KLHL29: variants seen among roughly 807,000 people sequenced by gnomAD.
The protein encoded by KLHL29 is kelch like family member 29.
KLHL29 carries 21 observed loss-of-function variants against 80.4 expected under a neutral mutation model. That is an observed-to-expected ratio of 0.26 (90% CI 0.19 to 0.38). The LOEUF (loss-of-function observed/expected upper bound fraction) is 0.38, where lower values mean the gene tolerates loss of function less well. Ranked by LOEUF, KLHL29 falls within the 10% of genes least tolerant of loss-of-function variation. KLHL29 has a pLI of 1.00. For synonymous variants in KLHL29, 511 were observed against 526.8 expected, an observed-to-expected ratio of 0.97 and a Z score of 0.41; for missense variants, 867 against 1,223.9, an observed-to-expected ratio of 0.71 and a Z score of 4.35.
At chr2:23,444,410 C>T (rs775995647) in intron 1 of KLHL29, among the ~76,000 whole-genome samples, 5 of 152,096 alleles carry the variant, frequency 3.3e-5, no homozygotes, top group African/African-American at 7.2e-5. Flanking sequence ...CTGCAACCTC[C>T]GCCTCTCGGG....
Position 23,463,919 on chromosome 2 carries a change from C to G in KLHL29, c.-153-11641C>G, listed in dbSNP as rs560593537. ...GTGTTTAACAATCACAGTCACTAATCAAGGTGCCTGTCCTGGAAAATGTGT... is the reference window on the plus strand; with the variant it reads ...GTGTTTAACAATCACAGTCACTAATGAAGGTGCCTGTCCTGGAAAATGTGT... On this transcript the variant is annotated intron_variant, in intron 1 of 13. Coordinates refer to ENST00000486442, the MANE Select transcript of KLHL29 (RefSeq NM_052920.2). Among the ~76,000 whole-genome samples, 34 of 152,330 alleles carry G rather than the reference C, an allele frequency of 2.2e-4. 1 individual carries two copies. The highest frequency in any genetic ancestry group is 7.7e-4 in the African/African-American group (32 of 41,582).
intron 1 of KLHL29, among the ~76,000 whole-genome samples, chr2:23,395,856 C>G (rs1385068070): frequency 6.6e-6 from 1 of 152,114 alleles, no homozygotes; most frequent in Non-Finnish European, 1.5e-5. Flanking sequence ...TTTGCATGGT[C>G]TTGGACTCTC....
At chr2:23,505,377 A>G (rs967533011) in intron 2 of KLHL29, among the ~76,000 whole-genome samples, 1 of 152,118 alleles carries the variant, frequency 6.6e-6, no homozygotes, top group South Asian at 2.1e-4. Flanking sequence ...TGGGGCCCTG[A>G]TGGACACTTT....
At chr2:23,507,382 C>T (rs57853741) in intron 2 of KLHL29, 100 of 164,374 alleles carry the variant, frequency 6.1e-4, no homozygotes, top group African/African-American at 2.2e-3. Flanking sequence ...TTCTTATCTC[C>T]GCCTCAAATG....
At chr2:23,456,089 T>C (rs1664042370) in intron 1 of KLHL29, among the ~76,000 whole-genome samples, 2 of 152,214 alleles carry the variant, frequency 1.3e-5, no homozygotes, top group African/African-American at 4.8e-5. Flanking sequence ...CCTCCAGAAC[T>C]GTGAGAAAAT....
At chr2:23,670,930 C>T (rs1247086413) in intron 5 of KLHL29, among the ~76,000 whole-genome samples, 155 of 7,842 alleles carry the variant, frequency 0.02, 22 homozygotes, top group South Asian at 0.082. Context: ...CTCTCTCTCT[C>T]TCTCTCTCTC....
rs150414026 is a variant in KLHL29, at chr2:23,581,025, C to G, written c.285+18544C>G. 6.5e-3 allele frequency among the ~76,000 whole-genome samples: 986 copies of G among 152,098 alleles called. 9 individuals carry two copies. Among genetic ancestry groups the G allele is most frequent in the Middle Eastern group, 0.01 (3 of 292 alleles). On this transcript the variant is annotated intron_variant, in intron 3 of 13. Coordinates refer to ENST00000486442, the MANE Select transcript of KLHL29 (RefSeq NM_052920.2). ...CCCATTCTAAGCAAACAGTAAGTGC[C>G]CAATAAATGCTGGTGATCATAGTGA...
intron 2 of KLHL29, among the ~76,000 whole-genome samples, chr2:23,519,468 T>C (rs1157662512): frequency 1.3e-5 from 2 of 152,142 alleles, no homozygotes; most frequent in African/African-American, 4.8e-5. Flanking sequence ...CCTCCAACTC[T>C]GGCCAGCCCC....
intron 2 of KLHL29, among the ~76,000 whole-genome samples, chr2:23,541,354 C>T (rs1376249422): frequency 1.3e-5 from 2 of 152,190 alleles, no homozygotes; most frequent in Admixed American, 6.5e-5. Flanking sequence ...AGGAGAGAAC[C>T]GGGCTCCAGA....
chr2:23,684,760 T>C lies in KLHL29; in HGVS notation c.1079+223T>C, dbSNP rs1470441551. ...CCCGCCCCCACCCACAGCTTTGCTGTCACCAGCTTTGCTGGTCACCAGGGG... is the reference window on the plus strand; with the variant it reads ...CCCGCCCCCACCCACAGCTTTGCTGCCACCAGCTTTGCTGGTCACCAGGGG... On this transcript the variant is annotated intron_variant, in intron 6 of 13. Coordinates refer to ENST00000486442, the MANE Select transcript of KLHL29 (RefSeq NM_052920.2). The surrounding 1 kb of genome is among the most constrained non-coding windows in gnomAD (Gnocchi z 4.4). Among the ~76,000 whole-genome samples the C allele has an allele frequency of 6.9e-6, 1 of 144,732 alleles. No homozygotes were observed. Among genetic ancestry groups the C allele is most frequent in the Non-Finnish European group, 1.5e-5 (1 of 65,954 alleles). 94.9% of individuals were successfully genotyped at this position (144,732 alleles called of 152,430 possible).
intron 2 of KLHL29, among the ~76,000 whole-genome samples, chr2:23,496,649 T>G (rs1665274247): frequency 6.6e-6 from 1 of 152,224 alleles, no homozygotes. Flanking sequence ...GCCTCCAGAT[T>G]TGCAAGAGGG....
chr2:23,706,488 G>A lies in KLHL29; in HGVS notation c.2452G>A (p.Val818Met). 1 of 1,529,394 alleles carries A rather than the reference G, an allele frequency of 6.5e-7. No individual in the cohort carries two copies. The highest frequency in any genetic ancestry group is 8.8e-7 in the Non-Finnish European group (1 of 1,142,848). The allele number at this position is 1,529,394 out of a possible 1,614,324, so 94.7% of individuals were successfully genotyped here. ...CCCGCTTTCCCCCAACAGTGCTGTGGTGCTTGATGGCAAGATTTATGCAAC... is the reference window on the plus strand; with the variant it reads ...CCCGCTTTCCCCCAACAGTGCTGTGATGCTTGATGGCAAGATTTATGCAAC... ...NHSRQFCSAV[V>M]LDGKIYATGG... Residue 818 changes from valine (V) to methionine (M), a missense_variant, in exon 14 of 14, where the codon GTG becomes ATG. This residue lies in a region of KLHL29 where 443 missense variants were observed against 767.0 expected (regional missense o/e 0.58). Transcript: ENST00000486442.
chr2:23,524,826 C>T (rs1377930720), intron 2 of KLHL29, among the ~76,000 whole-genome samples: 1 of 152,244 alleles, frequency 6.6e-6, no homozygotes, highest in Non-Finnish European at 1.5e-5. Context: ...GCCTCCCAGG[C>T]TTCCTGCCTC....
chr2:23,500,196 G>C (rs1300880266), intron 2 of KLHL29, among the ~76,000 whole-genome samples: 1 of 152,198 alleles, frequency 6.6e-6, no homozygotes, highest in Non-Finnish European at 1.5e-5. Flanking sequence ...GGACACAGTG[G>C]TGCGTTCGTG....
chr2:23,558,687 A>G (rs1272587717), intron 2 of KLHL29, among the ~76,000 whole-genome samples: 1 of 152,220 alleles, frequency 6.6e-6, no homozygotes, highest in African/African-American at 2.4e-5. Flanking sequence ...TACAGGCGTG[A>G]GCCCCCACGC....
At chr2:23,584,142 G>A (rs548209770) in intron 3 of KLHL29, among the ~76,000 whole-genome samples, 24 of 152,308 alleles carry the variant, frequency 1.6e-4, no homozygotes, top group African/African-American at 5.3e-4. Context: ...GAAGATGAGC[G>A]ATCCCCAGGC....
chr2:23,510,880 G>A (rs1665751702), intron 2 of KLHL29, among the ~76,000 whole-genome samples: 1 of 152,190 alleles, frequency 6.6e-6, no homozygotes, highest in South Asian at 2.1e-4. Context: ...ACTGCCCTGG[G>A]GTGGGAATAC....
intron 5 of KLHL29, among the ~76,000 whole-genome samples, chr2:23,674,676 G>A (rs1488442702): frequency 1.3e-5 from 2 of 152,114 alleles, no homozygotes; most frequent in South Asian, 2.1e-4. Context: ...AGCACAGGAG[G>A]AGGAGTGAGA....
At chr2:23,428,866 T>A (rs1165512946) in intron 1 of KLHL29, among the ~76,000 whole-genome samples, 1 of 152,240 alleles carries the variant, frequency 6.6e-6, no homozygotes, top group East Asian at 1.9e-4. Flanking sequence ...TGCTTTGCAA[T>A]GTCCCAGCCT....
Sources: allele counts gnomAD v4.1 joint callset (sites outside exome capture counted in the v4.1 genomes callset), GRCh38; gene constraint gnomAD v4.1.1; regional missense constraint gnomAD v4.1.1; non-coding constraint Gnocchi (gnomAD v3.1); transcripts MANE v1.5; gene names NCBI Gene and HGNC (gene_info 2026-07-23, HGNC 2026-07-21).